Variants in HAPLN4 observed in about 807,000 individuals in gnomAD.
The protein encoded by HAPLN4 is brain link protein 2.
HAPLN4 carries 19 observed loss-of-function variants against 28.0 expected under a neutral mutation model. The observed-to-expected ratio is 0.68, with a 90% CI of 0.47 to 1.00. HAPLN4 has a LOEUF of 1.00. Ranked by LOEUF, HAPLN4 falls within the 50% of genes least tolerant of loss-of-function variation. The pLI is 0.00. For missense variants in HAPLN4, 587 were observed against 602.6 expected (o/e 0.97, Z 0.27); for synonymous variants, 274 against 273.0 (o/e 1.00, Z -0.03).
intron 3 of HAPLN4, among the ~76,000 whole-genome samples, chr19:19,259,929 G>A (rs1403266210): frequency 6.6e-6 from 1 of 152,158 alleles, no homozygotes; most frequent in Non-Finnish European, 1.5e-5. Context: ...CTCACAGTTG[G>A]GCACATGACT....
rs1300164154 is a variant in HAPLN4, at chr19:19,257,901, G to A, written c.1125C>T (p.Gly375=). 3.3e-6 allele frequency: 5 copies of A among 1,492,842 alleles called. No homozygotes were observed. The highest frequency in any genetic ancestry group is 2.9e-5 in the African/African-American group (2 of 69,212). 92.5% of individuals were successfully genotyped at this position (1,492,842 alleles called of 1,614,324 possible). ...CGCCCGCCCAGCCCCAGCCCCAGCC[G>A]CCAGGTGCCGGGTCCGGTGCTCCTG... is the stretch of plus-strand genomic sequence containing the variant. The part of the protein sequence containing the change: ...RAPGAPDPAP[G]GWGWGWAGGG... The change falls in exon 5 of 5, where the codon GGC becomes GGT. Residue 375 remains glycine, a synonymous_variant. Transcript: ENST00000291481.
At position 19,258,111 on chromosome 19, in the gene HAPLN4, C is replaced by T; in HGVS notation, c.915G>A (p.Gln305=). The change falls in exon 5 of 5, where the codon CAG becomes CAA. Residue 305 remains glutamine (Q), a synonymous_variant. Transcript: ENST00000291481. This position sits in a 1 kb window ranked among gnomAD's most constrained non-coding sequence, Gnocchi z 6.2. The part of the protein sequence containing the change: ...ARGAAVAKVG[Q]LFAAWKLQLL... Reference sequence around the variant, plus strand: ...GCTGCAGCTTCCACGCGGCGAACAGCTGCCCCACCTTGGCCACGGCCGCGC... The same window carrying T: ...GCTGCAGCTTCCACGCGGCGAACAGTTGCCCCACCTTGGCCACGGCCGCGC... 1 of 1,551,030 alleles carries T rather than the reference C, an allele frequency of 6.4e-7. No individual in the cohort carries two copies. The highest frequency in any genetic ancestry group is 8.7e-7 in the Non-Finnish European group (1 of 1,155,266).
chr19:19,261,353 CG>C, intron 2 of HAPLN4, 92 bp downstream of exon 2: 1 of 1,305,608 alleles, frequency 7.7e-7, no homozygotes, highest in Non-Finnish European at 1.1e-6. Flanking sequence ...GGGGGAACCG[CG>C]GACGTCAGGA....
Position 19,257,989 on chromosome 19 carries a change from A to T in HAPLN4, c.1037T>A (p.Val346Glu). 6.6e-7 allele frequency: 1 copy of T among 1,513,640 alleles called. No individual in the cohort carries two copies. Among genetic ancestry groups the T allele is most frequent in the South Asian group, 1.2e-5 (1 of 81,566 alleles). 93.8% of individuals were successfully genotyped at this position (1,513,640 alleles called of 1,614,324 possible). A position where few individuals can be genotyped will look rare whatever the true frequency, so the allele number is the denominator to read the frequency against. ...RARCGGRRPGVRSLGFPDATR... is the reference protein window; with the variant it reads ...RARCGGRRPGERSLGFPDATR... ...GGCGTCCGGGAAGCCGAGGCTGCGC[A>T]CACCAGGCCTGCGGCCTCCGCAGCG... is the stretch of plus-strand genomic sequence containing the variant. The change falls in exon 5 of 5, where the codon GTG becomes GAG. Residue 346 changes from valine to glutamate, a missense_variant. Transcript: ENST00000291481.
At chr19:19,259,812 C>G (rs1568608771) in intron 3 of HAPLN4, among the ~76,000 whole-genome samples, 1 of 152,162 alleles carries the variant, frequency 6.6e-6, no homozygotes, top group South Asian at 2.1e-4. Context: ...CTAAAGAGAA[C>G]TGGAAAAGGC....
At position 19,257,492 on chromosome 19, in the gene HAPLN4, A is replaced by T; in HGVS notation, c.*325T>A. ...AGTTGGTCTGTTTCCAAGTGGTCTCAGGAGGCGTGGCCAGTCTTCAGGAGC... is the reference window on the plus strand; with the variant it reads ...AGTTGGTCTGTTTCCAAGTGGTCTCTGGAGGCGTGGCCAGTCTTCAGGAGC... On this transcript the variant is annotated 3_prime_UTR_variant, in exon 5 of 5. Coordinates refer to ENST00000291481, the MANE Select transcript of HAPLN4 (RefSeq NM_023002.3). 2 of 277,412 alleles carry T rather than the reference A, an allele frequency of 7.2e-6. No homozygotes were observed. The highest frequency in any genetic ancestry group is 6.7e-6 in the Non-Finnish European group (1 of 149,166). The allele number at this position is 277,412 out of a possible 1,614,324, so 17.2% of individuals were successfully genotyped here. A position where few individuals can be genotyped will look rare whatever the true frequency, so the allele number is the denominator to read the frequency against.
Position 19,257,525 on chromosome 19 carries a change from T to G in HAPLN4, c.*292A>C. 2 of 324,630 alleles carry G rather than the reference T, an allele frequency of 6.2e-6. No individual in the cohort carries two copies. The highest frequency in any genetic ancestry group is 4.9e-5 in the Admixed American group (1 of 20,218). 20.1% of individuals were successfully genotyped at this position (324,630 alleles called of 1,614,324 possible). On this transcript the variant is annotated 3_prime_UTR_variant, in exon 5 of 5. Coordinates refer to ENST00000291481, the MANE Select transcript of HAPLN4 (RefSeq NM_023002.3). ...TGGCCAGTCTTCAGGAGCCTGCGGG[T>G]TCTGCTGGCCTCCTGAGGTCCTCAG...
Position 19,261,164 on chromosome 19 carries a change from C to CCGACTCACCCTCTGAGGA in HAPLN4, c.122-7_132dup (p.Ser44_Gly45insSerSerGluGlyGluSer). On this transcript the variant is annotated inframe_insertion, in exon 3 of 5. Coordinates refer to ENST00000291481, the MANE Select transcript of HAPLN4 (RefSeq NM_023002.3). ...GGCGCTGTCTGTACCACTACCGAGC[C>CCGACTCACCCTCTGAGGA]CGACTCACCCTCTGAGGACAACCAA... is the stretch of plus-strand genomic sequence containing the variant. 1 of 1,596,508 alleles carries CCGACTCACCCTCTGAGGA rather than the reference C, an allele frequency of 6.3e-7. No individual in the cohort carries two copies. The highest frequency in any genetic ancestry group is 8.6e-7 in the Non-Finnish European group (1 of 1,168,542).
At position 19,256,990 on chromosome 19, in the gene HAPLN4, C is replaced by G. The variant is rs1387502699; in HGVS notation, c.*827G>C. ...ACATGGATCTTACCGGTCCCCAGGCCTGGGAAGATGGTCTGTTTGGTGACA... is the reference window on the plus strand; with the variant it reads ...ACATGGATCTTACCGGTCCCCAGGCGTGGGAAGATGGTCTGTTTGGTGACA... On this transcript the variant is annotated 3_prime_UTR_variant, in exon 5 of 5. Transcript: ENST00000291481. The G allele has an allele frequency of 1.3e-5, 2 of 152,550 alleles. No individual in the cohort carries two copies. Among genetic ancestry groups the G allele is most frequent in the Non-Finnish European group, 2.9e-5 (2 of 68,058 alleles). 9.4% of individuals were successfully genotyped at this position (152,550 alleles called of 1,614,324 possible).
Position 19,257,701 on chromosome 19 carries a change from A to G in HAPLN4, c.*116T>C. The G allele has an allele frequency of 8.1e-7, 1 of 1,229,468 alleles. No individual in the cohort carries two copies. The highest frequency in any genetic ancestry group is 1.0e-6 in the Non-Finnish European group (1 of 958,880). 76.2% of individuals were successfully genotyped at this position (1,229,468 alleles called of 1,614,324 possible). ...ACCCCAGGGGCACAGTTAGTTTGTAAGGGACCACAGGGAATGTGGCCAGTG... is the reference window on the plus strand; with the variant it reads ...ACCCCAGGGGCACAGTTAGTTTGTAGGGGACCACAGGGAATGTGGCCAGTG... On this transcript the variant is annotated 3_prime_UTR_variant, in exon 5 of 5. Transcript: ENST00000291481.
intron 3 of HAPLN4, among the ~76,000 whole-genome samples, chr19:19,259,483 G>C (rs1434935863): frequency 1.3e-5 from 2 of 152,124 alleles, no homozygotes; most frequent in African/African-American, 4.8e-5. Flanking sequence ...GGGGTGAGTG[G>C]GGTACCCTGG....
chr19:19,262,266 G>GGA (rs1024956408), intron 1 of HAPLN4, among the ~76,000 whole-genome samples: 41 of 147,350 alleles, frequency 2.8e-4, no homozygotes, highest in Middle Eastern at 3.6e-3. Flanking sequence ...AGAAGCAGAG[G>GGA]GAGAGAGAGA....
At position 19,257,892 on chromosome 19, in the gene HAPLN4, G is replaced by A. The variant is rs1286427799; in HGVS notation, c.1134C>T (p.Gly378=). Residue 378 remains glycine (G), a synonymous_variant, in exon 5 of 5, where the codon GGC becomes GGT. Transcript: ENST00000291481. ...GAPDPAPGGW[G]WGWAGGGGWA... is the part of the protein sequence containing the mutation. ...AGCCGCCGCCGCCCGCCCAGCCCCAGCCCCAGCCGCCAGGTGCCGGGTCCG... is the reference window on the plus strand; with the variant it reads ...AGCCGCCGCCGCCCGCCCAGCCCCAACCCCAGCCGCCAGGTGCCGGGTCCG... 6.7e-7 allele frequency: 1 copy of A among 1,486,694 alleles called. No homozygotes were observed. The highest frequency in any genetic ancestry group is 2.3e-5 in the Admixed American group (1 of 43,202). The allele number at this position is 1,486,694 out of a possible 1,614,324, so 92.1% of individuals were successfully genotyped here.
Position 19,258,344 on chromosome 19 carries a change from C to T in HAPLN4, c.818-136G>A. 8.5e-7 allele frequency: 1 copy of T among 1,173,006 alleles called. No homozygotes were observed. The highest frequency in any genetic ancestry group is 1.2e-6 in the Non-Finnish European group (1 of 855,500). The allele number at this position is 1,173,006 out of a possible 1,614,324, so 72.7% of individuals were successfully genotyped here. The stretch of plus-strand genomic sequence containing the variant: ...GGATCCAGGAACAGTTCCTCCTTTG[C>T]AGCCTGGGACCCCAGCCTAGGCCCA... On this transcript the variant is annotated intron_variant, in intron 4 of 4. Transcript: ENST00000291481. This position sits in a 1 kb window ranked among gnomAD's most constrained non-coding sequence, Gnocchi z 6.2.
At chr19:19,259,039 T>C (rs184390858) in intron 3 of HAPLN4, among the ~76,000 whole-genome samples, 184 bp from the exon 4 acceptor site, 2 of 152,282 alleles carry the variant, frequency 1.3e-5, no homozygotes, top group Non-Finnish European at 2.9e-5. Context: ...CACTTTAAGC[T>C]TGGGATTCAC....
chr19:19,260,692 G>C (rs542980674), intron 3 of HAPLN4, 121 bp downstream of exon 3: 15 of 1,214,108 alleles, frequency 1.2e-5, no homozygotes, highest in Middle Eastern at 2.0e-4. Context: ...AGATATGGGG[G>C]CTCTACCCCA....
chr19:19,262,704 C>G (rs753449731), intron 1 of HAPLN4, 26 bp downstream of exon 1: 4 of 1,612,050 alleles, frequency 2.5e-6, no homozygotes, highest in Non-Finnish European at 1.7e-6. Flanking sequence ...GGGGCACACA[C>G]CACCCGCGCC....
Position 19,259,222 on chromosome 19 carries a change from T to C in HAPLN4, c.485-367A>G, listed in dbSNP as rs529952724. On this transcript the variant is annotated intron_variant, in intron 3 of 4. Transcript: ENST00000291481. ...TGTGCCTCTGACATTCCGCCAGTAC[T>C]GGGTCCCTCCCTCTGGTCCAGCCCT... is the stretch of plus-strand genomic sequence containing the variant. Among the ~76,000 whole-genome samples the C allele has an allele frequency of 2.0e-5, 3 of 152,272 alleles. No homozygotes were observed. In the South Asian group the frequency reaches 6.2e-4, roughly 32 times the overall value.
At chr19:19,260,678 A>G (rs2060979644) in intron 3 of HAPLN4, 135 bp downstream of exon 3, 3 of 1,061,584 alleles carry the variant, frequency 2.8e-6, no homozygotes, top group Middle Eastern at 2.1e-4. Context: ...AATCACCCAG[A>G]ACCAGATATG....
Sources: gnomAD v4.1 joint callset for allele counts (sites outside exome capture counted in the v4.1 genomes callset) on GRCh38, gnomAD v4.1.1 for gene constraint, Gnocchi (gnomAD v3.1) non-coding constraint, MANE v1.5 for transcripts, NCBI Gene and HGNC (gene_info 2026-07-23, HGNC 2026-07-21) for gene names.